Variants in BCKDK observed in about 807,000 individuals in gnomAD.
The protein encoded by BCKDK is branched chain keto acid dehydrogenase kinase.
Under a neutral mutation model 43.9 loss-of-function variants are expected in BCKDK, and 28 were observed. The observed-to-expected ratio is 0.64, with a 90% confidence interval of 0.47 to 0.87. The LOEUF (loss-of-function observed/expected upper bound fraction) is 0.87. BCKDK is among the 40% of genes least tolerant of loss of function. The probability of loss-of-function intolerance (pLI) is 0.00; values close to 1 mark genes in which losing one functional copy is unlikely to be tolerated. For missense variants in BCKDK, 483 were observed against 581.4 expected (o/e 0.83, Z 1.74); for synonymous variants, 257 against 234.3 (o/e 1.10, Z -0.88).
At chr16:31,113,839 CG>C (rs928562224), downstream of BCKDK, among the ~76,000 whole-genome samples, 1 of 151,790 alleles carries the variant, frequency 6.6e-6, no homozygotes, top group Non-Finnish European at 1.5e-5. Flanking sequence ...TTCATGTCCA[CG>C]TGATTTCTTA....
chr16:31,109,370 C>T lies in BCKDK; in HGVS notation c.147C>T (p.Thr49=), dbSNP rs746946363. Reference sequence around the variant, plus strand: ...AGATGGCTCGGGAGCGCTCCAAGACCGTCACCTCCTTTTACAACCAGTCGG... The same window carrying T: ...AGATGGCTCGGGAGCGCTCCAAGACTGTCACCTCCTTTTACAACCAGTCGG... ...HVEMARERSK[T]VTSFYNQSAI... Residue 49 remains threonine (T), a synonymous_variant, in exon 2 of 12, where the codon ACC becomes ACT. Coordinates refer to ENST00000219794, the MANE Select transcript of BCKDK (RefSeq NM_005881.4). This position sits in a 1 kb window ranked among gnomAD's most constrained non-coding sequence, Gnocchi z 5.3. 3 of 1,608,786 alleles carry T rather than the reference C, an allele frequency of 1.9e-6. No individual in the cohort carries two copies. Among genetic ancestry groups the T allele is most frequent in the African/African-American group, 1.3e-5 (1 of 74,864 alleles).
chr16:31,111,718 G>A, intron 10 of BCKDK, 151 bp from the exon 11 acceptor site: 1 of 1,031,446 alleles, frequency 9.7e-7, no homozygotes, highest in Non-Finnish European at 1.4e-6. Flanking sequence ...CAGGGGTGAG[G>A]ATGATATAAA....
chr16:31,109,301 G>C lies in BCKDK; in HGVS notation c.78G>C (p.Ala26=), dbSNP rs527999176. The stretch of plus-strand genomic sequence containing the variant: ...GGCCCCTCCTGGGACCCGCACTCGC[G>C]CTCCGGGCCCGCTCGACGTCGGCCA... ...PLRPLLGPAL[A]LRARSTSATD... is the part of the protein sequence containing the mutation. Residue 26 remains alanine (A), a synonymous_variant, in exon 2 of 12, where the codon GCG becomes GCC. Transcript: ENST00000219794. The surrounding 1 kb of genome is among the most constrained non-coding windows in gnomAD (Gnocchi z 5.3). The C allele has an allele frequency of 2.5e-6, 4 of 1,605,136 alleles. No individual in the cohort carries two copies. Among genetic ancestry groups the C allele is most frequent in the East Asian group, 4.5e-5 (2 of 44,652 alleles).
downstream of BCKDK, among the ~76,000 whole-genome samples, chr16:31,113,795 G>A (rs2057430844): frequency 6.6e-6 from 1 of 152,128 alleles, no homozygotes; most frequent in South Asian, 2.1e-4. Context: ...TTTGAGCTGG[G>A]AAGGGATGTT....
chr16:31,112,131 G>A lies in BCKDK; in HGVS notation c.1105G>A (p.Gly369Arg), dbSNP rs139044149. Reference protein sequence around the residue: ...QSGPMHGFGFGLPTSRAYAEY... With the variant: ...QSGPMHGFGFRLPTSRAYAEY... ...CCTGCCCACCCCCAGCTTTGGCTTC[G>A]GGTTGCCCACGTCACGGGCCTACGC... is the stretch of plus-strand genomic sequence containing the variant. Residue 369 changes from glycine (G) to arginine (R), a missense_variant, in exon 12 of 12, where the codon GGG (glycine) becomes AGG (arginine). Coordinates refer to ENST00000219794, the MANE Select transcript of BCKDK (RefSeq NM_005881.4). The surrounding 1 kb of genome is among the most constrained non-coding windows in gnomAD (Gnocchi z 5.0). The A allele has an allele frequency of 3.7e-6, 6 of 1,610,560 alleles. No individual in the cohort carries two copies. Among genetic ancestry groups the A allele is most frequent in the Non-Finnish European group, 4.2e-6 (5 of 1,177,602 alleles).
In BCKDK at chr16:31,110,230, A is replaced by G. The variant is rs1356823336; in HGVS notation, c.449A>G (p.Gln150Arg). ...PPIKDQADEA[Q>R]YCQLVRQLLD... Reference sequence around the variant, plus strand: ...ATCAAGGACCAGGCGGACGAGGCCCAGTACTGCCAGCTGGTGCGACAGCTG... The same window carrying G: ...ATCAAGGACCAGGCGGACGAGGCCCGGTACTGCCAGCTGGTGCGACAGCTG... Residue 150 changes from glutamine to arginine, a missense_variant, in exon 6 of 12, where the codon CAG becomes CGG. Coordinates refer to ENST00000219794, the MANE Select transcript of BCKDK (RefSeq NM_005881.4). The surrounding 1 kb of genome is among the most constrained non-coding windows in gnomAD (Gnocchi z 5.4). The G allele has an allele frequency of 3.0e-5, 49 of 1,614,016 alleles. No homozygotes were observed. Among genetic ancestry groups the G allele is most frequent in the Non-Finnish European group, 4.0e-5 (47 of 1,180,032 alleles).
rs2057387174 is a variant in BCKDK, at chr16:31,109,139, C to G, written c.-85C>G. On this transcript the variant is annotated 5_prime_UTR_variant, in exon 2 of 12. Coordinates refer to ENST00000219794, the MANE Select transcript of BCKDK (RefSeq NM_005881.4). This position sits in a 1 kb window ranked among gnomAD's most constrained non-coding sequence, Gnocchi z 5.3. ...GAAGAGCCCCTACCCACCCACACCC[C>G]CTTGCCCCATTTTGGGTCGCCTGGG... The G allele has an allele frequency of 7.7e-7, 1 of 1,294,268 alleles. No homozygotes were observed. Among genetic ancestry groups the G allele is most frequent in the African/African-American group, 1.5e-5 (1 of 66,982 alleles). The allele number at this position is 1,294,268 out of a possible 1,614,324, so 80.2% of individuals were successfully genotyped here.
chr16:31,116,929 G>GGA (rs1430571005), downstream of BCKDK, among the ~76,000 whole-genome samples: 2 of 44,278 alleles, frequency 4.5e-5, no homozygotes, highest in African/African-American at 7.6e-5. Context: ...AAAAAAAAAA[G>GGA]GGGGGGGGGC....
chr16:31,110,506 C>T lies in BCKDK; in HGVS notation c.642+7C>T. 1 of 1,613,580 alleles carries T rather than the reference C, an allele frequency of 6.2e-7. No homozygotes were observed. The highest frequency in any genetic ancestry group is 8.5e-7 in the Non-Finnish European group (1 of 1,179,858). The stretch of plus-strand genomic sequence containing the variant: ...GGCGCTGCATGAGGACAAGGTGGGG[C>T]TCTGGGACCTGAGACCCACCTGGGA... On this transcript the variant is annotated splice_region_variant and intron_variant, in intron 7 of 11. Transcript: ENST00000219794. This position sits in a 1 kb window ranked among gnomAD's most constrained non-coding sequence, Gnocchi z 5.4.
downstream of BCKDK, among the ~76,000 whole-genome samples, chr16:31,114,797 C>T (rs1335909334): frequency 6.6e-6 from 1 of 152,226 alleles, no homozygotes; most frequent in Non-Finnish European, 1.5e-5. Context: ...CCGAAATCTG[C>T]AGGCGCTCAA....
Position 31,112,424 on chromosome 16 carries a change from C to T in BCKDK, c.*159C>T. ...TACATGGAGCTGGGCACTGCCCTGC[C>T]TCAACAGGGTCCATTGCCTCCTCGC... On this transcript the variant is annotated 3_prime_UTR_variant, in exon 12 of 12. Coordinates refer to ENST00000219794, the MANE Select transcript of BCKDK (RefSeq NM_005881.4). The surrounding 1 kb of genome is among the most constrained non-coding windows in gnomAD (Gnocchi z 5.0). The T allele has an allele frequency of 8.2e-7, 1 of 1,223,850 alleles. No individual in the cohort carries two copies. Among genetic ancestry groups the T allele is most frequent in the Non-Finnish European group, 1.2e-6 (1 of 861,878 alleles). 75.8% of individuals were successfully genotyped at this position (1,223,850 alleles called of 1,614,324 possible).
chr16:31,111,488 C>G (rs1409613386), intron 10 of BCKDK, 99 bp downstream of exon 10: 10 of 1,340,198 alleles, frequency 7.5e-6, no homozygotes, highest in East Asian at 7.0e-5. Context: ...CTGCCCCATT[C>G]TGGGACTTGG....
In BCKDK at chr16:31,109,683, G is replaced by A. The variant is rs777812892; in HGVS notation, c.275G>A (p.Arg92Gln). ...CTCATTTTCTCCCAGAAAAGTGCTCGGTACCTGCAGCAAGAACTTCCAGTG... is the reference window on the plus strand; with the variant it reads ...CTCATTTTCTCCCAGAAAAGTGCTCAGTACCTGCAGCAAGAACTTCCAGTG... ...QDGSHLLKSA[R>Q]YLQQELPVRI... The change falls in exon 4 of 12, where the codon CGG becomes CAG. Residue 92 changes from arginine (R) to glutamine (Q), a missense_variant. By Grantham distance (43) the Arg-to-Gln change is conservative. Transcript: ENST00000219794. This position sits in a 1 kb window ranked among gnomAD's most constrained non-coding sequence, Gnocchi z 5.3. 7 of 1,614,016 alleles carry A rather than the reference G, an allele frequency of 4.3e-6. No homozygotes were observed. The Admixed American group carries it at 8.3e-5, about 19-fold the overall frequency.
At chr16:31,117,613 C>T (rs1567432412), downstream of BCKDK, 2 of 1,242,054 alleles carry the variant, frequency 1.6e-6, no homozygotes, top group East Asian at 3.2e-5. Context: ...GAGCCCGCCC[C>T]ACGCACTGCT....
Position 31,110,006 on chromosome 16 carries a change from G to A in BCKDK, c.376-71G>A, listed in dbSNP as rs2057397181. On this transcript the variant is annotated intron_variant, in intron 4 of 11. Coordinates refer to ENST00000219794, the MANE Select transcript of BCKDK (RefSeq NM_005881.4). The surrounding 1 kb of genome is among the most constrained non-coding windows in gnomAD (Gnocchi z 5.4). ...ACCAGCTGGGTGGTGATCCCCATGG[G>A]TAGGTGGGGGTGGCTGTTCTCTGCT... The A allele has an allele frequency of 6.3e-7, 1 of 1,593,832 alleles. No homozygotes were observed. Among genetic ancestry groups the A allele is most frequent in the African/African-American group, 1.3e-5 (1 of 74,530 alleles).
chr16:31,114,926 TTTTC>T (rs1208057455), downstream of BCKDK, among the ~76,000 whole-genome samples: 1 of 152,076 alleles, frequency 6.6e-6, no homozygotes, highest in Non-Finnish European at 1.5e-5. Context: ...CCTCCCTCTT[TTTTC>T]TTTTTCTTTT....
chr16:31,116,600 G>A (rs1182715762), downstream of BCKDK, among the ~76,000 whole-genome samples: 1 of 151,756 alleles, frequency 6.6e-6, no homozygotes, highest in Admixed American at 6.6e-5. Flanking sequence ...CCAAATAGGG[G>A]AAGTAGTCTC....
downstream of BCKDK, among the ~76,000 whole-genome samples, chr16:31,115,190 T>C (rs979792221): frequency 6.6e-6 from 1 of 151,152 alleles, no homozygotes; most frequent in African/African-American, 2.4e-5. Flanking sequence ...CCCAAAGTGC[T>C]GGGATTACAG....
chr16:31,117,459 A>G (rs965543220), downstream of BCKDK: 1 of 399,750 alleles, frequency 2.5e-6, no homozygotes, highest in African/African-American at 2.1e-5. Flanking sequence ...CTCCTCACCC[A>G]TAGGCTGCAG....
Sources: allele counts gnomAD v4.1 joint callset (sites outside exome capture counted in the v4.1 genomes callset), GRCh38; gene constraint gnomAD v4.1.1; non-coding constraint Gnocchi (gnomAD v3.1); transcripts MANE v1.5; gene names NCBI Gene and HGNC (gene_info 2026-07-23, HGNC 2026-07-21).